The following PLCB1 variants were observed in gnomAD, a reference collection of about 807,000 sequenced individuals.
The protein encoded by PLCB1 is phospholipase C beta 1, also known as 1-phosphatidylinositol 4,5-bisphosphate phosphodiesterase beta-1.
Under a neutral mutation model 161.8 loss-of-function variants are expected in PLCB1, and 46 were observed. The observed-to-expected ratio is 0.28, with a 90% CI of 0.22 to 0.36. The LOEUF (loss-of-function observed/expected upper bound fraction) is 0.36. Ranked by LOEUF, PLCB1 falls within the 10% of genes least tolerant of loss-of-function variation. The probability of loss-of-function intolerance (pLI) is 1.00; values close to 1 mark genes in which losing one functional copy is unlikely to be tolerated. For synonymous variants in PLCB1, 517 were observed against 503.7 expected (o/e 1.03, Z -0.35); for missense variants, 1,016 against 1,472.5 (o/e 0.69, Z 5.07).
chr20:8,457,714 G>GCGCACAAA (rs1555808428), intron 3 of PLCB1, among the ~76,000 whole-genome samples: 1 of 145,768 alleles, frequency 6.9e-6, no homozygotes, highest in Non-Finnish European at 1.5e-5. Flanking sequence ...ATGTGTGCGC[G>GCGCACAAA]CACACACACA....
chr20:8,368,399 G>C (rs970549661), intron 2 of PLCB1, among the ~76,000 whole-genome samples: 1 of 151,622 alleles, frequency 6.6e-6, no homozygotes, highest in Admixed American at 6.6e-5. Flanking sequence ...ATTGTGGTGT[G>C]TGCCTGTAAT....
chr20:8,175,665 A>T (rs2051775206), intron 2 of PLCB1, among the ~76,000 whole-genome samples: 1 of 152,196 alleles, frequency 6.6e-6, no homozygotes, highest in African/African-American at 2.4e-5. Flanking sequence ...ATTGGATCTC[A>T]TTAAAATTAA....
At chr20:8,236,670 A>T (rs762648798) in intron 2 of PLCB1, among the ~76,000 whole-genome samples, 4 of 152,076 alleles carry the variant, frequency 2.6e-5, no homozygotes, top group Non-Finnish European at 4.4e-5. Flanking sequence ...AAATACTTCT[A>T]CACAAAACAA....
chr20:8,247,326 A>G (rs1195786932), intron 2 of PLCB1, among the ~76,000 whole-genome samples: 1 of 151,820 alleles, frequency 6.6e-6, no homozygotes, highest in Non-Finnish European at 1.5e-5. Flanking sequence ...TTTTTTCTTT[A>G]TACAGCTTAA....
chr20:8,718,251 C>G (rs1200491172), intron 14 of PLCB1, among the ~76,000 whole-genome samples: 1 of 152,088 alleles, frequency 6.6e-6, no homozygotes, highest in Non-Finnish European at 1.5e-5. Flanking sequence ...CTGAAATTAG[C>G]TTAGAAGGAC....
At chr20:8,515,693 T>A (rs1258048362) in intron 3 of PLCB1, among the ~76,000 whole-genome samples, 1 of 152,178 alleles carries the variant, frequency 6.6e-6, no homozygotes, top group Non-Finnish European at 1.5e-5. Context: ...GAAAAGTTCA[T>A]ATAAGAAATG....
intron 1 of PLCB1, among the ~76,000 whole-genome samples, chr20:8,148,030 G>A (rs2051472336): frequency 2.0e-5 from 3 of 151,894 alleles, no homozygotes; most frequent in Admixed American, 6.6e-5. Context: ...TTAAATATTT[G>A]ATTGTATGGG....
At chr20:8,807,025 C>T (rs1368246716) in intron 31 of PLCB1, among the ~76,000 whole-genome samples, 6 of 152,058 alleles carry the variant, frequency 3.9e-5, no homozygotes, top group Non-Finnish European at 8.8e-5. Flanking sequence ...AAATAGATTC[C>T]CGAGGGCTGT....
At chr20:8,445,099 T>C (rs2122627150) in intron 3 of PLCB1, among the ~76,000 whole-genome samples, 1 of 152,288 alleles carries the variant, frequency 6.6e-6, no homozygotes, top group South Asian at 2.1e-4. Flanking sequence ...GCTTTTGGTG[T>C]TTTAGACATG....
At chr20:8,875,010 A>G (rs527559604) in intron 31 of PLCB1, among the ~76,000 whole-genome samples, 2 of 150,964 alleles carry the variant, frequency 1.3e-5, no homozygotes, top group African/African-American at 2.5e-5. Context: ...ATTAAATTAA[A>G]TTAATCAATA....
chr20:8,253,972 T>C (rs180823305), intron 2 of PLCB1, among the ~76,000 whole-genome samples: 104 of 152,140 alleles, frequency 6.8e-4, no homozygotes, highest in Non-Finnish European at 1.6e-4. Context: ...TATGGCTGTG[T>C]AGTATCCCAC....
intron 31 of PLCB1, among the ~76,000 whole-genome samples, chr20:8,861,728 CA>C (rs35862889): frequency 0.29 from 31,120 of 107,732 alleles, 4,007 homozygotes; most frequent in East Asian, 0.62. Flanking sequence ...GACTCTACCT[CA>C]AAAAAAAAAA....
At position 8,228,528 on chromosome 20, in the gene PLCB1, G is replaced by T. The variant is rs145889428; in HGVS notation, c.177+78157G>T. Among the ~76,000 whole-genome samples the T allele has an allele frequency of 1.2e-3, 187 of 152,044 alleles. 1 individual carries two copies. The highest frequency in any genetic ancestry group is 4.2e-3 in the African/African-American group (176 of 41,472). ...GGTTTCTGTTTTGTTTCGTTTCTGAGACTGGGTCCTTCACCCAGGCTGGAG... is the reference window on the plus strand; with the variant it reads ...GGTTTCTGTTTTGTTTCGTTTCTGATACTGGGTCCTTCACCCAGGCTGGAG... On this transcript the variant is annotated intron_variant, in intron 2 of 31. Coordinates refer to ENST00000338037, the MANE Select transcript of PLCB1 (RefSeq NM_015192.4).
intron 27 of PLCB1, among the ~76,000 whole-genome samples, chr20:8,786,033 C>A (rs1983465961): frequency 6.6e-6 from 1 of 151,960 alleles, no homozygotes; most frequent in Admixed American, 6.6e-5. Flanking sequence ...TATTGATTCC[C>A]AGGCCCTACC....
At chr20:8,693,612 C>T (rs1189530180) in intron 10 of PLCB1, among the ~76,000 whole-genome samples, 6 of 152,174 alleles carry the variant, frequency 3.9e-5, no homozygotes, top group Non-Finnish European at 5.9e-5. Flanking sequence ...ACAAATATAT[C>T]ACATTCTGGA....
intron 3 of PLCB1, among the ~76,000 whole-genome samples, chr20:8,601,090 CG>C (rs1987570833): frequency 6.6e-6 from 1 of 152,044 alleles, no homozygotes; most frequent in Admixed American, 6.5e-5. Context: ...AGCTGTAGAC[CG>C]GAGCTGTTCC....
intron 8 of PLCB1, among the ~76,000 whole-genome samples, chr20:8,657,751 T>G (rs1352407638): frequency 1.3e-5 from 2 of 152,104 alleles, no homozygotes; most frequent in African/African-American, 4.8e-5. Flanking sequence ...CATTACCTTT[T>G]TTTGAAAGAT....
At chr20:8,287,479 A>G in intron 2 of PLCB1, among the ~76,000 whole-genome samples, 1 of 152,162 alleles carries the variant, frequency 6.6e-6, no homozygotes. Flanking sequence ...TGGAGGAGGA[A>G]TGGAGAGCCA....
chr20:8,658,764 G>A (rs932790928), intron 9 of PLCB1, 60 bp downstream of exon 9: 4 of 1,405,608 alleles, frequency 2.8e-6, no homozygotes, highest in East Asian at 2.4e-5. Context: ...GTAGTCACAC[G>A]CTGGGAGTTA....
Sources: allele counts gnomAD v4.1 joint callset (sites outside exome capture counted in the v4.1 genomes callset), GRCh38; gene constraint gnomAD v4.1.1; transcripts MANE v1.5; gene names NCBI Gene and HGNC (gene_info 2026-07-23, HGNC 2026-07-21).